TOPAZ1: variants seen among roughly 807,000 people sequenced by gnomAD.
The protein encoded by TOPAZ1 is testis and ovary specific TOPAZ 1.
Under a neutral mutation model 172.2 loss-of-function variants are expected in TOPAZ1, and 66 were observed. That is an observed-to-expected ratio of 0.38 (90% CI 0.31 to 0.47). The LOEUF (loss-of-function observed/expected upper bound fraction) is 0.47, where lower values mean the gene tolerates loss of function less well. Among genes scored for constraint, TOPAZ1 ranks in the 20% least tolerant of loss-of-function variants. The pLI, the probability that TOPAZ1 is intolerant of heterozygous loss-of-function variation, is 0.99. For missense variants in TOPAZ1, 1,822 were observed against 1,972.4 expected, an observed-to-expected ratio of 0.92 and a Z score of 1.44; for synonymous variants, 681 against 683.9, an observed-to-expected ratio of 1.00 and a Z score of 0.07.
chr3:44,311,330 T>G (rs1236155467), intron 16 of TOPAZ1, among the ~76,000 whole-genome samples: 1 of 152,090 alleles, frequency 6.6e-6, no homozygotes, highest in Non-Finnish European at 1.5e-5. Context: ...AAATGGAAAT[T>G]AATGAAATAT....
Position 44,306,311 on chromosome 3 carries a change from C to G in TOPAZ1, c.4040-15C>G. ...GACTATTTTATTTTCTTTTGTATGC[C>G]TATTTGTGTTTCAGTTAGCAAAGAT... On this transcript the variant is annotated splice_polypyrimidine_tract_variant and intron_variant, in intron 14 of 19. Coordinates refer to ENST00000309765, the MANE Select transcript of TOPAZ1 (RefSeq NM_001145030.2). 2.0e-6 allele frequency: 3 copies of G among 1,486,326 alleles called. No individual in the cohort carries two copies. The highest frequency in any genetic ancestry group is 2.8e-6 in the Non-Finnish European group (3 of 1,090,278). The allele number at this position is 1,486,326 out of a possible 1,614,324, so 92.1% of individuals were successfully genotyped here. A position where few individuals can be genotyped will look rare whatever the true frequency, so the allele number is the denominator to read the frequency against.
At chr3:44,303,981 ATATAG>A in intron 12 of TOPAZ1, 29 bp from the exon 13 acceptor site, 1 of 1,314,546 alleles carries the variant, frequency 7.6e-7, no homozygotes, top group South Asian at 1.3e-5. Context: ...TAAGGGGTGA[ATATAG>A]TATAATTAAC....
chr3:44,247,379 T>G (rs1699578291), intron 2 of TOPAZ1, among the ~76,000 whole-genome samples: 1 of 152,186 alleles, frequency 6.6e-6, no homozygotes, highest in African/African-American at 2.4e-5. Flanking sequence ...TGTCTAAAAG[T>G]TTGAGTTTTA....
At chr3:44,294,707 T>G (rs1174335336) in intron 12 of TOPAZ1, among the ~76,000 whole-genome samples, 1 of 152,194 alleles carries the variant, frequency 6.6e-6, no homozygotes, top group Non-Finnish European at 1.5e-5. Flanking sequence ...GATTTCAACA[T>G]GTTGCCCAGT....
At chr3:44,242,762 ATG>A in intron 1 of TOPAZ1, 89 bp from the exon 2 acceptor site, 1 of 1,065,696 alleles carries the variant, frequency 9.4e-7, no homozygotes, top group South Asian at 1.9e-5. Context: ...GGAAATAAAA[ATG>A]ATAGCCTCAC....
downstream of TOPAZ1, among the ~76,000 whole-genome samples, chr3:44,336,514 G>A (rs1040791937): frequency 6.6e-5 from 10 of 152,228 alleles, no homozygotes; most frequent in East Asian, 1.9e-4. Flanking sequence ...AGACAGGGCC[G>A]TGGATGGCTT....
intron 2 of TOPAZ1, among the ~76,000 whole-genome samples, chr3:44,249,063 A>G (rs999279997): frequency 6.6e-6 from 1 of 152,230 alleles, no homozygotes; most frequent in Non-Finnish European, 1.5e-5. Flanking sequence ...CGTTTGAAAT[A>G]GCCTGTATCA....
At chr3:44,280,088 T>A (rs1468617708) in intron 8 of TOPAZ1, among the ~76,000 whole-genome samples, 1 of 152,166 alleles carries the variant, frequency 6.6e-6, no homozygotes, top group Non-Finnish European at 1.5e-5. Context: ...AGCTTTTGCT[T>A]GTCTGGGAAA....
chr3:44,323,496 A>G (rs535570550), intron 18 of TOPAZ1, among the ~76,000 whole-genome samples: 16 of 152,198 alleles, frequency 1.1e-4, no homozygotes, highest in African/African-American at 3.4e-4. Context: ...CTTATTTCCA[A>G]TGTTTGCAAT....
chr3:44,258,836 T>C (rs1699744603), intron 4 of TOPAZ1, among the ~76,000 whole-genome samples: 1 of 152,196 alleles, frequency 6.6e-6, no homozygotes, highest in Non-Finnish European at 1.5e-5. Context: ...ATAAATGGGC[T>C]GTTAACTGCT....
intron 8 of TOPAZ1, among the ~76,000 whole-genome samples, chr3:44,277,170 GTC>G (rs578053537): frequency 3.5e-4 from 54 of 152,184 alleles, no homozygotes; most frequent in Middle Eastern, 3.4e-3. Flanking sequence ...GTCCTCTTCA[GTC>G]TCTTTCATCA....
intron 8 of TOPAZ1, among the ~76,000 whole-genome samples, chr3:44,276,069 ATTGT>A (rs755852391): frequency 2.0e-5 from 3 of 151,998 alleles, no homozygotes; most frequent in African/African-American, 4.8e-5. Flanking sequence ...TTGCTGTTGA[ATTGT>A]TTGAGTTCCT....
chr3:44,297,822 C>T (rs1700216878), intron 12 of TOPAZ1, among the ~76,000 whole-genome samples: 1 of 150,902 alleles, frequency 6.6e-6, no homozygotes, highest in African/African-American at 2.4e-5. Flanking sequence ...CAAAAATCAA[C>T]CATATTTCTA....
At chr3:44,261,152 G>T (rs1699771413) in intron 4 of TOPAZ1, among the ~76,000 whole-genome samples, 1 of 151,752 alleles carries the variant, frequency 6.6e-6, no homozygotes, top group Admixed American at 6.6e-5. Flanking sequence ...AAATTAATTT[G>T]GGGAGAATTA....
chr3:44,314,005 G>C (rs1485467791), intron 16 of TOPAZ1, among the ~76,000 whole-genome samples: 2 of 151,960 alleles, frequency 1.3e-5, no homozygotes, highest in African/African-American at 2.4e-5. Flanking sequence ...AGTTTGATAG[G>C]GCAAAAGTTA....
Position 44,264,620 on chromosome 3 carries a change from A to G in TOPAZ1, c.3020+2137A>G, listed in dbSNP as rs2129956. 0.023 allele frequency among the ~76,000 whole-genome samples: 3,530 copies of G among 152,316 alleles called. 312 individuals are homozygous for G. In the East Asian group the frequency reaches 0.23, roughly 10 times the overall value. On this transcript the variant is annotated intron_variant, in intron 5 of 19. Coordinates refer to ENST00000309765, the MANE Select transcript of TOPAZ1 (RefSeq NM_001145030.2). ...AGACAACAATGAAGTTTGCTGCATC[A>G]GTTGACACTTCTTTTCACAAAAGAT...
At chr3:44,313,967 G>A (rs929137793) in intron 16 of TOPAZ1, among the ~76,000 whole-genome samples, 1 of 152,076 alleles carries the variant, frequency 6.6e-6, no homozygotes, top group Non-Finnish European at 1.5e-5. Flanking sequence ...CCAACAATTA[G>A]TATTATTATT....
intron 18 of TOPAZ1, among the ~76,000 whole-genome samples, chr3:44,327,440 A>C (rs1700612402): frequency 6.6e-6 from 1 of 152,232 alleles, no homozygotes; most frequent in Non-Finnish European, 1.5e-5. Context: ...AAACAATTTA[A>C]AAGTTAAATC....
chr3:44,275,312 G>A (rs529047515), intron 8 of TOPAZ1, among the ~76,000 whole-genome samples: 2 of 152,016 alleles, frequency 1.3e-5, no homozygotes, highest in African/African-American at 4.8e-5. Flanking sequence ...CCTTCCAACT[G>A]TATGTTTATA....
Sources: gnomAD v4.1 joint callset for allele counts (sites outside exome capture counted in the v4.1 genomes callset) on GRCh38, gnomAD v4.1.1 for gene constraint, MANE v1.5 for transcripts, NCBI Gene and HGNC (gene_info 2026-07-23, HGNC 2026-07-21) for gene names.